The following NMNAT2 variants were observed in gnomAD, a reference collection of about 807,000 sequenced individuals.
The protein encoded by NMNAT2 is nicotinamide/nicotinic acid mononucleotide adenylyltransferase 2.
Under a neutral mutation model 41.6 loss-of-function variants are expected in NMNAT2, and 11 were observed. The ratio of observed to expected loss-of-function variants is 0.26; its 90% confidence interval spans 0.17 to 0.44. NMNAT2 has a LOEUF of 0.44. Ranked by LOEUF, NMNAT2 falls within the 20% of genes least tolerant of loss-of-function variation. The pLI, the probability that NMNAT2 is intolerant of heterozygous loss-of-function variation, is 1.00. For synonymous variants in NMNAT2, 148 were observed against 151.2 expected (o/e 0.98, Z 0.16); for missense variants, 288 against 407.7 (o/e 0.71, Z 2.53).
chr1:183,389,128 C>T (rs998784), intron 1 of NMNAT2, among the ~76,000 whole-genome samples: 2 of 152,022 alleles, frequency 1.3e-5, no homozygotes, highest in African/African-American at 4.8e-5. Flanking sequence ...GCCAGCTCCT[C>T]GCCTGCCAGC....
chr1:183,320,881 G>A (rs1296105179), intron 1 of NMNAT2, among the ~76,000 whole-genome samples: 1 of 152,224 alleles, frequency 6.6e-6, no homozygotes, highest in Non-Finnish European at 1.5e-5. Flanking sequence ...GGGGAGATTG[G>A]TGAACAGAAG....
intron 8 of NMNAT2, chr1:183,267,324 A>G (rs1353163741): frequency 6.6e-6 from 1 of 152,168 alleles, no homozygotes; most frequent in East Asian, 1.9e-4. Flanking sequence ...GTGAAAAATA[A>G]AAGAAAATAA....
rs1240390008 is a variant in NMNAT2 at position 183,359,212 on chromosome 1, A to G, written c.85+58971T>C. Among the ~76,000 whole-genome samples, 6 of 152,316 alleles carry G rather than the reference A, an allele frequency of 3.9e-5. No homozygotes were observed. The East Asian group carries it at 5.8e-4, about 15-fold the overall frequency. ...TCCTTTTGGAAATGGAGGCTAGGGC[A>G]TGTCCCAGTCCCTTCAAGCCTCCCC... On this transcript the variant is annotated intron_variant, in intron 1 of 10. Transcript: ENST00000287713.
chr1:183,356,389 A>G (rs1382048648), intron 1 of NMNAT2, among the ~76,000 whole-genome samples: 1 of 152,188 alleles, frequency 6.6e-6, no homozygotes, highest in African/African-American at 2.4e-5. Flanking sequence ...TAAGCAGCTC[A>G]TTGGATCCCA....
chr1:183,329,168 T>TA (rs1662528577), intron 1 of NMNAT2, among the ~76,000 whole-genome samples: 1 of 152,192 alleles, frequency 6.6e-6, no homozygotes, highest in African/African-American at 2.4e-5. Context: ...TCTATCCCCC[T>TA]ACCAGCATAA....
Position 183,251,864 on chromosome 1 carries a change from C to T in NMNAT2, c.*777G>A. 1 of 164,070 alleles carries T rather than the reference C, an allele frequency of 6.1e-6. No individual in the cohort carries two copies. Among genetic ancestry groups the T allele is most frequent in the Non-Finnish European group, 1.3e-5 (1 of 74,848 alleles). 10.2% of individuals were successfully genotyped at this position (164,070 alleles called of 1,614,324 possible). A position where few individuals can be genotyped will look rare whatever the true frequency, so the allele number is the denominator to read the frequency against. On this transcript the variant is annotated 3_prime_UTR_variant, in exon 11 of 11. Coordinates refer to ENST00000287713, the MANE Select transcript of NMNAT2 (RefSeq NM_015039.4). ...CACTCCTGATCAAAGGTTGCTGCTG[C>T]TGCTGCTGCTGCTGCTACTGCTATA...
At chr1:183,410,157 C>CA (rs57169849) in intron 1 of NMNAT2, among the ~76,000 whole-genome samples, 6,928 of 128,610 alleles carry the variant, frequency 0.054, 507 homozygotes, top group African/African-American at 0.17. Flanking sequence ...AAAATAATAC[C>CA]AAAAAAAAAA....
intron 8 of NMNAT2, among the ~76,000 whole-genome samples, chr1:183,271,939 G>A (rs2102291055): frequency 6.6e-6 from 1 of 152,242 alleles, no homozygotes; most frequent in Non-Finnish European, 1.5e-5. Context: ...TTGTAGTAGA[G>A]ATGGGGTTTC....
chr1:183,259,608 G>T (rs938426149), intron 10 of NMNAT2, among the ~76,000 whole-genome samples: 1 of 151,902 alleles, frequency 6.6e-6, no homozygotes, highest in African/African-American at 2.4e-5. Flanking sequence ...TAATTTTTTT[G>T]TGTGTGTGTG....
chr1:183,404,545 C>T (rs1648902073), intron 1 of NMNAT2, among the ~76,000 whole-genome samples: 1 of 152,212 alleles, frequency 6.6e-6, no homozygotes, highest in Admixed American at 6.5e-5. Flanking sequence ...GATATAGGAA[C>T]ATCTTCTAAC....
intron 1 of NMNAT2, among the ~76,000 whole-genome samples, chr1:183,377,139 G>A (rs1029425824): frequency 4.6e-5 from 7 of 152,094 alleles, no homozygotes; most frequent in African/African-American, 1.7e-4. Context: ...AAGGGAATAG[G>A]GAGGAAAAGG....
rs77014562 is a variant in NMNAT2 at position 183,409,895 on chromosome 1, G to T, written c.85+8288C>A. On this transcript the variant is annotated intron_variant, in intron 1 of 10. Transcript: ENST00000287713. Reference sequence around the variant, plus strand: ...CTAGGCAAGAACAACCTATCAGGGGGGTGAATTTTTTGCTTGTTTGTTGTT... The same window carrying T: ...CTAGGCAAGAACAACCTATCAGGGGTGTGAATTTTTTGCTTGTTTGTTGTT... 9.3e-3 allele frequency among the ~76,000 whole-genome samples: 1,421 copies of T among 152,218 alleles called. 27 individuals carry two copies. The highest frequency in any genetic ancestry group is 0.032 in the African/African-American group (1,338 of 41,516).
At chr1:183,292,155 G>C (rs74129678) in intron 3 of NMNAT2, among the ~76,000 whole-genome samples, 7,156 of 152,270 alleles carry the variant, frequency 0.047, 469 homozygotes, top group African/African-American at 0.15. Flanking sequence ...AAATTATAAC[G>C]GTAAGAACTT....
intron 1 of NMNAT2, among the ~76,000 whole-genome samples, chr1:183,297,677 G>T (rs542177516): frequency 6.6e-6 from 1 of 152,096 alleles, no homozygotes; most frequent in South Asian, 2.1e-4. Context: ...CACCATGCCC[G>T]GCCTAGGAAA....
At chr1:183,263,952 G>A (rs552926804) in intron 8 of NMNAT2, among the ~76,000 whole-genome samples, 26 of 152,206 alleles carry the variant, frequency 1.7e-4, no homozygotes, top group African/African-American at 4.1e-4. Context: ...TTAAAGCTCC[G>A]GGGAAATTGG....
At chr1:183,310,611 G>A (rs1046021730) in intron 1 of NMNAT2, among the ~76,000 whole-genome samples, 16 of 152,124 alleles carry the variant, frequency 1.1e-4, no homozygotes, top group African/African-American at 3.4e-4. Flanking sequence ...GACATTTTTG[G>A]TTGTCACAAT....
At chr1:183,353,301 C>G (rs1314998508) in intron 1 of NMNAT2, among the ~76,000 whole-genome samples, 1 of 152,142 alleles carries the variant, frequency 6.6e-6, no homozygotes, top group African/African-American at 2.4e-5. Flanking sequence ...CCACTGTGCC[C>G]AGCCCTGAAT....
In NMNAT2 at chr1:183,366,938, T is replaced by C. The variant is rs572954915; in HGVS notation, c.85+51245A>G. 6.6e-5 allele frequency among the ~76,000 whole-genome samples: 10 copies of C among 152,302 alleles called. No homozygotes were observed. In the South Asian group the frequency reaches 2.1e-3, roughly 32 times the overall value. ...CAGCTTCACTGGGGGTATCTTTATC[T>C]AAGCACCACCCCCAGTGGAGTGAAC... On this transcript the variant is annotated intron_variant, in intron 1 of 10. Transcript: ENST00000287713.
At chr1:183,311,421 T>G (rs1662115504) in intron 1 of NMNAT2, among the ~76,000 whole-genome samples, 1 of 152,132 alleles carries the variant, frequency 6.6e-6, no homozygotes. Flanking sequence ...ATTTTCTAGA[T>G]TCAAAACAGT....
Sources: gnomAD v4.1 joint callset for allele counts (sites outside exome capture counted in the v4.1 genomes callset) on GRCh38, gnomAD v4.1.1 for gene constraint, MANE v1.5 for transcripts, NCBI Gene and HGNC (gene_info 2026-07-23, HGNC 2026-07-21) for gene names.